The following MGMT variants were observed in gnomAD, a reference collection of about 807,000 sequenced individuals.
The protein encoded by MGMT is O-6-methylguanine-DNA methyltransferase.
In MGMT, 14 loss-of-function variants were observed where a neutral mutation model predicts 15.9. That is an observed-to-expected ratio of 0.88 (90% CI 0.58 to 1.37). MGMT has a LOEUF of 1.37. Ranked by LOEUF, MGMT falls within the 40% of genes most tolerant of loss-of-function variation. The pLI, the probability that MGMT is intolerant of heterozygous loss-of-function variation, is 0.00. For missense variants in MGMT, 282 were observed against 268.1 expected, an observed-to-expected ratio of 1.05 and a Z score of -0.36; for synonymous variants, 130 against 118.2, an observed-to-expected ratio of 1.10 and a Z score of -0.65.
chr10:129,602,925 A>C (rs925549294), intron 2 of MGMT, among the ~76,000 whole-genome samples: 3 of 152,208 alleles, frequency 2.0e-5, no homozygotes, highest in Non-Finnish European at 4.4e-5. Context: ...AGATATTAGC[A>C]TGTGGATACC....
chr10:129,700,277 T>C (rs1182520541), intron 2 of MGMT: 2 of 152,212 alleles, frequency 1.3e-5, no homozygotes, highest in African/African-American at 2.4e-5. Context: ...TGTTTCCTAT[T>C]ACTAACATCA....
chr10:129,704,222 C>T (rs1848132607), intron 2 of MGMT, among the ~76,000 whole-genome samples: 1 of 152,086 alleles, frequency 6.6e-6, no homozygotes, highest in Non-Finnish European at 1.5e-5. Context: ...CGTGGCCAGA[C>T]CTCACTAACG....
intron 2 of MGMT, among the ~76,000 whole-genome samples, chr10:129,568,325 G>C (rs1184946024): frequency 3.3e-5 from 5 of 152,160 alleles, no homozygotes; most frequent in African/African-American, 1.2e-4. Flanking sequence ...GGACACTGGG[G>C]TGCCACGGGG....
At position 129,711,217 on chromosome 10, in the gene MGMT, T is replaced by C. The variant is rs370718233; in HGVS notation, c.274+3174T>C. Among the ~76,000 whole-genome samples the C allele has an allele frequency of 1.5e-3, 223 of 152,354 alleles. 1 individual carries two copies. The highest frequency in any genetic ancestry group is 5.1e-3 in the African/African-American group (214 of 41,572). ...CTGGAACGAACATGCTGTTTGTGAT[T>C]TGCTTTTTAAGGCTAACCACAAAAA... On this transcript the variant is annotated intron_variant, in intron 3 of 4. Transcript: ENST00000651593.
At position 129,533,789 on chromosome 10, in the gene MGMT, G is replaced by A. The variant is rs956231620; in HGVS notation, c.-12-2452G>A. Among the ~76,000 whole-genome samples the A allele has an allele frequency of 5.3e-5, 8 of 152,286 alleles. No individual in the cohort carries two copies. Among genetic ancestry groups the A allele is most frequent in the African/African-American group, 7.2e-5 (3 of 41,550 alleles). ...CATCCTGCCTGAGAAGCAGTGGCCC[G>A]GGATGGTGGGAGATGTCTGCAGGCG... On this transcript the variant is annotated intron_variant, in intron 1 of 4. Transcript: ENST00000651593. This position sits in a 1 kb window ranked among gnomAD's most constrained non-coding sequence, Gnocchi z 4.5.
In MGMT at chr10:129,584,195, G is replaced by C. The variant is rs1846591394; in HGVS notation, c.125+47818G>C. On this transcript the variant is annotated intron_variant, in intron 2 of 4. Coordinates refer to ENST00000651593, the MANE Select transcript of MGMT (RefSeq NM_002412.5). ...GGATTAGAAAACACAGTTTCTAGGG[G>C]ATTCTTGCAGGGAAACAGACATGGA... Among the ~76,000 whole-genome samples, 3 of 152,174 alleles carry C rather than the reference G, an allele frequency of 2.0e-5. No individual in the cohort carries two copies. The South Asian group carries it at 6.2e-4, about 32-fold the overall frequency.
rs570779181 is a variant in MGMT, at chr10:129,605,885, ATT to A, written c.125+69519_125+69520del. 2.5e-3 allele frequency among the ~76,000 whole-genome samples: 362 copies of A among 147,526 alleles called. 1 individual carries two copies. Among genetic ancestry groups the A allele is most frequent in the African/African-American group, 8.4e-3 (340 of 40,442 alleles). ...TGAAAAGCAACATTCAAGAACGGTG[ATT>A]TTTTTTTTTTGACATTTACAAATAA... On this transcript the variant is annotated intron_variant, in intron 2 of 4. Coordinates refer to ENST00000651593, the MANE Select transcript of MGMT (RefSeq NM_002412.5).
Position 129,496,935 on chromosome 10 carries a change from C to T in MGMT, c.-13+29639C>T, listed in dbSNP as rs568897400. The stretch of plus-strand genomic sequence containing the variant: ...CTTGAACTCCTGGCCTCAAGTGATC[C>T]GCCTACCTCAGCCTCCCAAAGTGCT... On this transcript the variant is annotated intron_variant, in intron 1 of 4. Coordinates refer to ENST00000651593, the MANE Select transcript of MGMT (RefSeq NM_002412.5). 7.2e-5 allele frequency among the ~76,000 whole-genome samples: 11 copies of T among 152,080 alleles called. 1 individual carries two copies. In the South Asian group the frequency reaches 2.3e-3, roughly 32 times the overall value.
chr10:129,602,685 T>C (rs934472470), intron 2 of MGMT, among the ~76,000 whole-genome samples: 1 of 152,166 alleles, frequency 6.6e-6, no homozygotes, highest in Non-Finnish European at 1.5e-5. Context: ...GCGCCCCACG[T>C]GCCTGGGTAA....
chr10:129,631,264 G>C (rs115059060), intron 2 of MGMT, among the ~76,000 whole-genome samples: 54 of 152,260 alleles, frequency 3.5e-4, no homozygotes, highest in African/African-American at 1.3e-3. Flanking sequence ...AGAAAATAGA[G>C]GGAGGGCTTA....
chr10:129,534,563 A>G (rs1275787249), intron 1 of MGMT, among the ~76,000 whole-genome samples: 1 of 151,968 alleles, frequency 6.6e-6, no homozygotes, highest in Non-Finnish European at 1.5e-5. Flanking sequence ...TAAGGGACAT[A>G]AATGCACCTC....
chr10:129,632,894 TTAC>T (rs1430656481), intron 2 of MGMT, among the ~76,000 whole-genome samples: 1 of 152,250 alleles, frequency 6.6e-6, no homozygotes, highest in African/African-American at 2.4e-5. Context: ...GGGTAAAGTA[TTAC>T]TTAAATATAT....
intron 2 of MGMT, among the ~76,000 whole-genome samples, chr10:129,638,136 A>C (rs1368910017): frequency 6.6e-6 from 1 of 152,146 alleles, no homozygotes; most frequent in Non-Finnish European, 1.5e-5. Context: ...TCAAAAGGAG[A>C]CATGTGACAT....
rs112373357 is a variant in MGMT at position 129,707,997 on chromosome 10, C to G, written c.228C>G (p.Ile76Met). Reference protein sequence around the residue: ...LNAYFHQPEAIEEFPVPALHH... With the variant: ...LNAYFHQPEAMEEFPVPALHH... ...CCTATTTCCACCAGCCCGAGGCTAT[C>G]GAAGAGTTCCCCGTGCCGGCTCTTC... The change falls in exon 3 of 5, where the codon ATC (isoleucine) becomes ATG (methionine). Residue 76 changes from isoleucine (I) to methionine (M), a missense_variant. By Grantham distance (10) the Ile-to-Met change is conservative. Transcript: ENST00000651593. The G allele has an allele frequency of 6.2e-7, 1 of 1,613,802 alleles. No individual in the cohort carries two copies. Among genetic ancestry groups the G allele is most frequent in the Non-Finnish European group, 8.5e-7 (1 of 1,179,988 alleles).
At chr10:129,541,314 A>G (rs1846040392) in intron 2 of MGMT, among the ~76,000 whole-genome samples, 2 of 152,224 alleles carry the variant, frequency 1.3e-5, no homozygotes, top group African/African-American at 4.8e-5. Context: ...ACTGCCTGAC[A>G]GTATCAGGTT....
At position 129,556,966 on chromosome 10, in the gene MGMT, G is replaced by A. The variant is rs578022690; in HGVS notation, c.125+20589G>A. On this transcript the variant is annotated intron_variant, in intron 2 of 4. Transcript: ENST00000651593. This position sits in a 1 kb window ranked among gnomAD's most constrained non-coding sequence, Gnocchi z 4.3. ...TTGAGTGTTCACCGTCTTTCAGAAC[G>A]TTTGTGCGGTGGCGTGTCCCTTCTG... 6.6e-6 allele frequency among the ~76,000 whole-genome samples: 1 copy of A among 152,138 alleles called. No homozygotes were observed. Among genetic ancestry groups the A allele is most frequent in the Non-Finnish European group, 1.5e-5 (1 of 68,028 alleles).
intron 2 of MGMT, among the ~76,000 whole-genome samples, chr10:129,702,898 C>G (rs78261019): frequency 0.089 from 13,599 of 152,246 alleles, 912 homozygotes; most frequent in Admixed American, 0.18. Flanking sequence ...TTGAGGAACT[C>G]CCCCGTGATA....
chr10:129,622,792 T>TAA (rs540750817), intron 2 of MGMT, among the ~76,000 whole-genome samples: 194 of 146,384 alleles, frequency 1.3e-3, no homozygotes, highest in African/African-American at 4.3e-3. Flanking sequence ...AAATGGCCTG[T>TAA]AAAAAAAAAA....
chr10:129,578,585 T>G (rs1283736188), intron 2 of MGMT, among the ~76,000 whole-genome samples: 3 of 152,112 alleles, frequency 2.0e-5, no homozygotes, highest in Non-Finnish European at 4.4e-5. Context: ...TAATGCTAAA[T>G]GACAAGTTAA....
Sources: allele counts gnomAD v4.1 joint callset (sites outside exome capture counted in the v4.1 genomes callset), GRCh38; gene constraint gnomAD v4.1.1; non-coding constraint Gnocchi (gnomAD v3.1); transcripts MANE v1.5; gene names NCBI Gene and HGNC (gene_info 2026-07-23, HGNC 2026-07-21).